MTMR12: variants seen among roughly 807,000 people sequenced by gnomAD.
MTMR12 encodes the protein myotubularin-related protein 12.
MTMR12 carries 33 observed loss-of-function variants against 96.7 expected under a neutral mutation model. That is an observed-to-expected ratio of 0.34 (90% confidence interval 0.26 to 0.46). The LOEUF is 0.46. Among genes scored for constraint, MTMR12 ranks in the 20% least tolerant of loss-of-function variants. The pLI, the probability that MTMR12 is intolerant of heterozygous loss-of-function variation, is 1.00. For missense variants in MTMR12, 721 were observed against 896.1 expected, an observed-to-expected ratio of 0.80 and a Z score of 2.49; for synonymous variants, 298 against 327.2, an observed-to-expected ratio of 0.91 and a Z score of 0.96.
chr5:32,231,381 CAA>C (rs548654471), intron 15 of MTMR12, among the ~76,000 whole-genome samples: 43 of 47,178 alleles, frequency 9.1e-4, no homozygotes, highest in Non-Finnish European at 1.3e-3. Flanking sequence ...CTCTGGCTCG[CAA>C]AAAAAAAAAA....
At chr5:32,311,188 C>T (rs1003934881) in intron 1 of MTMR12, among the ~76,000 whole-genome samples, 1 of 152,154 alleles carries the variant, frequency 6.6e-6, no homozygotes, top group African/African-American at 2.4e-5. Flanking sequence ...TAAATATATA[C>T]ACCTACTATA....
intron 1 of MTMR12, among the ~76,000 whole-genome samples, chr5:32,283,530 T>G (rs1750392706): frequency 6.6e-6 from 1 of 152,162 alleles, no homozygotes; most frequent in African/African-American, 2.4e-5. Flanking sequence ...GTGGCACAGG[T>G]GAAAGTCAAA....
Position 32,233,915 on chromosome 5 carries a change from G to A in MTMR12, c.1532C>T (p.Thr511Ile), listed in dbSNP as rs770451236. The A allele has an allele frequency of 1.2e-6, 2 of 1,614,170 alleles. No individual in the cohort carries two copies. Among genetic ancestry groups the A allele is most frequent in the Admixed American group, 3.3e-5 (2 of 60,022 alleles). Residue 511 changes from threonine to isoleucine, a missense_variant, in exon 15 of 16, where the codon ACA (threonine) becomes ATA (isoleucine). Coordinates refer to ENST00000382142, the MANE Select transcript of MTMR12 (RefSeq NM_001040446.3). The surrounding 1 kb of genome is among the most constrained non-coding windows in gnomAD (Gnocchi z 5.0). Reference sequence around the variant, plus strand: ...GAGCAGATTCAAAGGCTTGCTTTGTGTATCCTGGCCTTCTCTACCCTGCCA... The same window carrying A: ...GAGCAGATTCAAAGGCTTGCTTTGTATATCCTGGCCTTCTCTACCCTGCCA... Reference protein sequence around the residue: ...DTNMGREGQDTQSKPLNLLTV... With the variant: ...DTNMGREGQDIQSKPLNLLTV...
At chr5:32,243,696 C>T in intron 10 of MTMR12, 97 bp from the exon 11 acceptor site, 2 of 737,834 alleles carry the variant, frequency 2.7e-6, no homozygotes, top group East Asian at 5.1e-5. Context: ...TTCAGATTAA[C>T]AGTCCTGACT....
intron 6 of MTMR12, among the ~76,000 whole-genome samples, chr5:32,267,895 G>A (rs1238373614): frequency 6.6e-6 from 1 of 152,012 alleles, no homozygotes; most frequent in Non-Finnish European, 1.5e-5. Flanking sequence ...GTGCAGTGGT[G>A]CGATCTCGGC....
chr5:32,303,102 C>A (rs1472857164), intron 1 of MTMR12, among the ~76,000 whole-genome samples: 1 of 152,174 alleles, frequency 6.6e-6, no homozygotes, highest in Non-Finnish European at 1.5e-5. Flanking sequence ...TTCTGAATAA[C>A]AACAATAATG....
chr5:32,247,263 T>C (rs1748730575), intron 10 of MTMR12, among the ~76,000 whole-genome samples: 1 of 152,124 alleles, frequency 6.6e-6, no homozygotes, highest in Non-Finnish European at 1.5e-5. Flanking sequence ...GGTGGGAGGA[T>C]CACTTGAGCC....
chr5:32,276,666 C>A lies in MTMR12; in HGVS notation c.142+16G>T, dbSNP rs1332483977. 6.2e-7 allele frequency: 1 copy of A among 1,609,436 alleles called. No homozygotes were observed. Among genetic ancestry groups the A allele is most frequent in the South Asian group, 1.1e-5 (1 of 90,950 alleles). ...TTTGCCTTGCATAGGAGTTACTATG[C>A]TAACATGACAGTTACCTGGCAACAA... On this transcript the variant is annotated intron_variant, in intron 2 of 15. Transcript: ENST00000382142.
chr5:32,280,724 A>C (rs1389912652), intron 1 of MTMR12, among the ~76,000 whole-genome samples: 1 of 152,234 alleles, frequency 6.6e-6, no homozygotes, highest in African/African-American at 2.4e-5. Flanking sequence ...TGGCATCCAC[A>C]GATGTGACTT....
chr5:32,300,583 C>T (rs1294671239), intron 1 of MTMR12, among the ~76,000 whole-genome samples: 3 of 152,148 alleles, frequency 2.0e-5, no homozygotes, highest in East Asian at 1.9e-4. Context: ...AGCTCCCATA[C>T]CCCCTCTCTG....
rs537153382 is a variant in MTMR12 at position 32,270,940 on chromosome 5, A to C, written c.366T>G (p.Asp122Glu). Reference sequence around the variant, plus strand: ...GTCCAAAGAGAGTTTTCTTTTTCTCATCAAACACTACAGATCAGCAATGAA... The same window carrying C: ...GTCCAAAGAGAGTTTTCTTTTTCTCCTCAAACACTACAGATCAGCAATGAA... ...HCVDQIYGVFDEKKKTLFGQL... is the reference protein window; with the variant it reads ...HCVDQIYGVFEEKKKTLFGQL... The change falls in exon 5 of 16, where the codon GAT becomes GAG. Residue 122 changes from aspartate (D) to glutamate (E), a missense_variant. Asp to Glu is a conservative substitution (Grantham distance 45). Transcript: ENST00000382142. The C allele has an allele frequency of 2.5e-6, 4 of 1,613,224 alleles. No homozygotes were observed. In the East Asian group the frequency reaches 8.9e-5, roughly 36 times the overall value.
chr5:32,234,815 C>T (rs1306547019), intron 14 of MTMR12, 147 bp downstream of exon 14: 11 of 662,702 alleles, frequency 1.7e-5, no homozygotes, highest in Non-Finnish European at 2.7e-5. Context: ...TCGCAGGGGC[C>T]ATGCTAATCT....
intron 1 of MTMR12, among the ~76,000 whole-genome samples, chr5:32,310,567 C>T (rs115547435): frequency 0.015 from 2,333 of 152,278 alleles, 29 homozygotes; most frequent in Non-Finnish European, 0.024. Context: ...AAACTTTGCA[C>T]GTCCTCACTT....
At chr5:32,265,152 A>G (rs1749540761) in intron 6 of MTMR12, among the ~76,000 whole-genome samples, 1 of 152,220 alleles carries the variant, frequency 6.6e-6, no homozygotes. Context: ...AAGGTATTCA[A>G]ATTGCGAAAC....
At chr5:32,286,920 C>T (rs931338538) in intron 1 of MTMR12, among the ~76,000 whole-genome samples, 3 of 152,174 alleles carry the variant, frequency 2.0e-5, no homozygotes, top group South Asian at 2.1e-4. Context: ...CTCTCTTCCA[C>T]GCACAGCAAA....
chr5:32,305,812 A>T (rs915439130), intron 1 of MTMR12, among the ~76,000 whole-genome samples: 1 of 151,922 alleles, frequency 6.6e-6, no homozygotes, highest in Non-Finnish European at 1.5e-5. Flanking sequence ...CTGAGGCAGG[A>T]GAATTGCTTG....
chr5:32,293,836 T>C (rs1482285254), intron 1 of MTMR12, among the ~76,000 whole-genome samples: 2 of 152,142 alleles, frequency 1.3e-5, no homozygotes, highest in Non-Finnish European at 2.9e-5. Flanking sequence ...AGAATGTCCC[T>C]CATATCCTTC....
intron 1 of MTMR12, among the ~76,000 whole-genome samples, chr5:32,292,034 C>G (rs528095904): frequency 6.6e-6 from 1 of 152,344 alleles, no homozygotes; most frequent in South Asian, 2.1e-4. Flanking sequence ...CTGACCAAGG[C>G]ACTCTCTTTG....
rs138615024 is a variant in MTMR12, at chr5:32,234,964, T to A, written c.1510A>T (p.Met504Leu). 1.2e-6 allele frequency: 2 copies of A among 1,611,826 alleles called. No homozygotes were observed. The highest frequency in any genetic ancestry group is 4.5e-5 in the East Asian group (2 of 44,878). ...FNSPHQKDTNMGREGQDTQSK... is the reference protein window; with the variant it reads ...FNSPHQKDTNLGREGQDTQSK... ...AGGTTCCTAAGAGGGACTCTTACCA[T>A]GTTAGTATCTTTTTGATGAGGTGAA... Residue 504 changes from methionine to leucine, a missense_variant and splice_region_variant, in exon 14 of 16, where the codon ATG (methionine) becomes TTG (leucine). Physicochemically the swap from Met to Leu is conservative, Grantham distance 15. Transcript: ENST00000382142.
Sources: allele counts gnomAD v4.1 joint callset (sites outside exome capture counted in the v4.1 genomes callset), GRCh38; gene constraint gnomAD v4.1.1; non-coding constraint Gnocchi (gnomAD v3.1); transcripts MANE v1.5; gene names NCBI Gene and HGNC (gene_info 2026-07-23, HGNC 2026-07-21).